CACNA1D: variants seen among roughly 807,000 people sequenced by gnomAD.
The protein encoded by CACNA1D is voltage-dependent L-type calcium channel subunit alpha-1D.
CACNA1D carries 55 observed loss-of-function variants against 257.1 expected under a neutral mutation model. The observed-to-expected ratio is 0.21, with a 90% CI of 0.17 to 0.27. The LOEUF (loss-of-function observed/expected upper bound fraction) is 0.27, where lower values mean the gene tolerates loss of function less well. CACNA1D is among the 10% of genes least tolerant of loss of function. CACNA1D has a pLI of 1.00. For missense variants in CACNA1D, 1,876 were observed against 2,784.0 expected, an observed-to-expected ratio of 0.67 and a Z score of 7.34; for synonymous variants, 980 against 1,014.9, an observed-to-expected ratio of 0.97 and a Z score of 0.65.
chr3:53,660,308 G>A (rs766761779), intron 5 of CACNA1D, 33 bp downstream of exon 5: 6 of 1,611,324 alleles, frequency 3.7e-6, no homozygotes, highest in Non-Finnish European at 8.5e-7. Flanking sequence ...AGTCAGGAGT[G>A]TGCTGGTTTT....
rs553304706 is a variant in CACNA1D, at chr3:53,494,961, C to G, written c.-206C>G. 2 of 589,156 alleles carry G rather than the reference C, an allele frequency of 3.4e-6. No individual in the cohort carries two copies. The highest frequency in any genetic ancestry group is 4.2e-5 in the South Asian group (2 of 48,044). The allele number at this position is 589,156 out of a possible 1,614,324, so 36.5% of individuals were successfully genotyped here. On this transcript the variant is annotated 5_prime_UTR_variant, in exon 1 of 48. Transcript: ENST00000350061. ...TGCTCCATTTTTGAAAAAGAGAGAG[C>G]TTGGGTGGCGAGCGGTTTTTTTTTT...
intron 3 of CACNA1D, among the ~76,000 whole-genome samples, chr3:53,608,719 A>G (rs2093545202): frequency 6.6e-6 from 1 of 152,220 alleles, no homozygotes; most frequent in African/African-American, 2.4e-5. Flanking sequence ...CTTTTAACGT[A>G]TCTATTAGAA....
intron 9 of CACNA1D, among the ~76,000 whole-genome samples, chr3:53,711,706 C>T (rs544483947): frequency 1.6e-4 from 25 of 152,260 alleles, no homozygotes; most frequent in African/African-American, 5.3e-4. Flanking sequence ...GGTTATGGGA[C>T]GCAGATGGGA....
At chr3:53,777,562 C>T (rs976435747) in intron 37 of CACNA1D, among the ~76,000 whole-genome samples, 3 of 152,100 alleles carry the variant, frequency 2.0e-5, no homozygotes, top group Non-Finnish European at 4.4e-5. Context: ...GTGGGGAGGA[C>T]TTGGTGGCCT....
chr3:53,764,659 G>A (rs2095322718), intron 30 of CACNA1D, among the ~76,000 whole-genome samples: 1 of 152,212 alleles, frequency 6.6e-6, no homozygotes, highest in African/African-American at 2.4e-5. Flanking sequence ...GCTGCAGGCT[G>A]GCCCTGCTCC....
At chr3:53,624,606 A>T (rs763191745) in intron 3 of CACNA1D, among the ~76,000 whole-genome samples, 29 of 152,212 alleles carry the variant, frequency 1.9e-4, no homozygotes, top group Non-Finnish European at 3.8e-4. Context: ...CTCCCATTAT[A>T]TGGCACTTCA....
At position 53,805,067 on chromosome 3, in the gene CACNA1D, C is replaced by T; in HGVS notation, c.5670C>T (p.Phe1890=). 1 of 1,614,198 alleles carries T rather than the reference C, an allele frequency of 6.2e-7. No individual in the cohort carries two copies. The change falls in exon 45 of 48, where the codon TTC becomes TTT. Residue 1890 remains phenylalanine (F), a synonymous_variant. Transcript: ENST00000350061. The part of the protein sequence containing the change: ...RPRGYHHPQG[F]LEDDDSPVCY... ...GAGGCTACCATCATCCCCAAGGATT[C>T]TTGGAGGACGATGACTCGCCCGTTT...
Position 53,747,303 on chromosome 3 carries a change from G to A in CACNA1D, c.3169G>A (p.Gly1057Arg). 1 of 1,613,956 alleles carries A rather than the reference G, an allele frequency of 6.2e-7. No homozygotes were observed. Among genetic ancestry groups the A allele is most frequent in the Non-Finnish European group, 8.5e-7 (1 of 1,179,854 alleles). ...ACCCACACCTGTTTTCCTCTCCAGGGGACTTTTCATCCTCTACAAGGATGG... is the reference window on the plus strand; with the variant it reads ...ACCCACACCTGTTTTCCTCTCCAGGAGACTTTTCATCCTCTACAAGGATGG... ...EAKSNPEECR[G>R]LFILYKDGDV... is the part of the protein sequence containing the mutation. The change falls in exon 26 of 48, where the codon GGA becomes AGA. Residue 1057 changes from glycine to arginine, a missense_variant and splice_region_variant. Coordinates refer to ENST00000350061, the MANE Select transcript of CACNA1D (RefSeq NM_001128840.3).
rs531091748 is a variant in CACNA1D at position 53,564,233 on chromosome 3, T to C, written c.483+62513T>C. Reference sequence around the variant, plus strand: ...TGGAGTGCAATGGCATAATCTCAGCTCATTTCAACCACTGCCTCCTGGGTT... The same window carrying C: ...TGGAGTGCAATGGCATAATCTCAGCCCATTTCAACCACTGCCTCCTGGGTT... On this transcript the variant is annotated intron_variant, in intron 3 of 47. Transcript: ENST00000350061. Among the ~76,000 whole-genome samples the C allele has an allele frequency of 2.1e-3, 321 of 152,286 alleles. 2 individuals are homozygous for C. Among genetic ancestry groups the C allele is most frequent in the Non-Finnish European group, 3.6e-3 (243 of 68,024 alleles).
intron 2 of CACNA1D, among the ~76,000 whole-genome samples, chr3:53,499,994 A>T (rs2090521722): frequency 6.6e-6 from 1 of 152,184 alleles, no homozygotes; most frequent in Non-Finnish European, 1.5e-5. Flanking sequence ...ACTGGCTTAA[A>T]AAAAATAAAC....
At chr3:53,605,368 G>A (rs1406723147) in intron 3 of CACNA1D, among the ~76,000 whole-genome samples, 8 of 152,206 alleles carry the variant, frequency 5.3e-5, no homozygotes, top group African/African-American at 9.7e-5. Flanking sequence ...GCCCAAATGA[G>A]TGGAAGGCTC....
chr3:53,507,072 CA>C (rs781421977), intron 3 of CACNA1D, among the ~76,000 whole-genome samples: 3,900 of 56,552 alleles, frequency 0.069, 40 homozygotes, highest in African/African-American at 0.21. Context: ...GACTCTATCT[CA>C]AAAAAAAAAA....
intron 9 of CACNA1D, among the ~76,000 whole-genome samples, chr3:53,706,616 A>G (rs2094691792): frequency 6.6e-6 from 1 of 152,204 alleles, no homozygotes; most frequent in South Asian, 2.1e-4. Flanking sequence ...AGTTGACCTC[A>G]ACAGAATTTT....
At position 53,747,296 on chromosome 3, in the gene CACNA1D, C is replaced by T. The variant is rs72556355; in HGVS notation, c.3168-6C>T. ...CCAGACGACCCACACCTGTTTTCCT[C>T]TCCAGGGGACTTTTCATCCTCTACA... On this transcript the variant is annotated splice_polypyrimidine_tract_variant and splice_region_variant and intron_variant, in intron 25 of 47. Transcript: ENST00000350061. 2 of 1,613,742 alleles carry T rather than the reference C, an allele frequency of 1.2e-6. No individual in the cohort carries two copies. Among genetic ancestry groups the T allele is most frequent in the African/African-American group, 2.7e-5 (2 of 74,918 alleles).
chr3:53,655,559 C>T (rs541600077), intron 4 of CACNA1D, among the ~76,000 whole-genome samples: 2 of 152,232 alleles, frequency 1.3e-5, no homozygotes, highest in Middle Eastern at 3.4e-3. Context: ...ACTTCTCTAA[C>T]GATCAGTAAT....
rs2095554734 is a variant in CACNA1D at position 53,804,988 on chromosome 3, A to C, written c.5591A>C (p.Asn1864Thr). 6.2e-7 allele frequency: 1 copy of C among 1,614,062 alleles called. No homozygotes were observed. The highest frequency in any genetic ancestry group is 2.2e-5 in the East Asian group (1 of 44,878). ...CCCTCCTCTCTGACCTCCAGGCAAA[A>C]CTATGGCTACTACAGCAGATACCCA... Reference protein sequence around the residue: ...DDSSPTWSRQNYGYYSRYPGR... With the variant: ...DDSSPTWSRQTYGYYSRYPGR... Residue 1864 changes from asparagine to threonine, a missense_variant, in exon 45 of 48, where the codon AAC becomes ACC. Physicochemically the swap from Asn to Thr is moderately conservative, Grantham distance 65 (BLOSUM62 0). Coordinates refer to ENST00000350061, the MANE Select transcript of CACNA1D (RefSeq NM_001128840.3).
chr3:53,705,209 G>A (rs377479100), intron 9 of CACNA1D, among the ~76,000 whole-genome samples: 60 of 152,272 alleles, frequency 3.9e-4, no homozygotes, highest in African/African-American at 1.3e-3. Flanking sequence ...GTGGGAGTGG[G>A]CAGGCTGGGG....
chr3:53,708,840 C>A (rs2094719424), intron 9 of CACNA1D, among the ~76,000 whole-genome samples: 1 of 152,222 alleles, frequency 6.6e-6, no homozygotes, highest in African/African-American at 2.4e-5. Flanking sequence ...CACCTCACTG[C>A]ACATAATACA....
intron 3 of CACNA1D, among the ~76,000 whole-genome samples, chr3:53,574,272 C>T (rs2092998281): frequency 6.6e-6 from 1 of 152,134 alleles, no homozygotes; most frequent in Non-Finnish European, 1.5e-5. Context: ...GAGGAAGCAC[C>T]TTTGCAATAT....
Sources: gnomAD v4.1 joint callset for allele counts (sites outside exome capture counted in the v4.1 genomes callset) on GRCh38, gnomAD v4.1.1 for gene constraint, MANE v1.5 for transcripts, NCBI Gene and HGNC (gene_info 2026-07-23, HGNC 2026-07-21) for gene names.